Variants in VPS35L observed in about 807,000 individuals in gnomAD.
The protein encoded by VPS35L is VPS35 endosomal protein sorting factor like, also known as VPS35 endosomal protein-sorting factor-like.
Under a neutral mutation model 133.0 loss-of-function variants are expected in VPS35L, and 83 were observed. The ratio of observed to expected loss-of-function variants is 0.62; its 90% CI spans 0.52 to 0.75. The LOEUF (loss-of-function observed/expected upper bound fraction) is 0.75. Ranked by LOEUF, VPS35L falls within the 30% of genes least tolerant of loss-of-function variation. The probability of loss-of-function intolerance (pLI) is 0.00; values close to 1 mark genes in which losing one functional copy is unlikely to be tolerated. For missense variants in VPS35L, 1,083 were observed against 1,206.8 expected (o/e 0.90, Z 1.52); for synonymous variants, 423 against 449.9 (o/e 0.94, Z 0.76).
At position 19,691,361 on chromosome 16, in the gene VPS35L, A is replaced by C. The variant is rs763746697; in HGVS notation, c.2536A>C (p.Asn846His). ...TCTTGTTTGTTCAACAGTGGACTCC[A>C]ACGACAGCCTCTACGGGGGAGACTC... The part of the protein sequence containing the change: ...YLYHIDKVDS[N>H]DSLYGGDSKF... Residue 846 changes from asparagine (N) to histidine (H), a missense_variant, in exon 29 of 31, where the codon AAC becomes CAC. Physicochemically the swap from Asn to His is moderately conservative, Grantham distance 68. Coordinates refer to ENST00000417362, the MANE Select transcript of VPS35L (RefSeq NM_020314.7). 5 of 1,613,316 alleles carry C rather than the reference A, an allele frequency of 3.1e-6. No individual in the cohort carries two copies. Among genetic ancestry groups the C allele is most frequent in the Non-Finnish European group, 3.4e-6 (4 of 1,179,478 alleles).
intron 7 of VPS35L, chr16:19,581,937 A>G (rs956605424): frequency 1.3e-5 from 5 of 388,874 alleles, no homozygotes; most frequent in Non-Finnish European, 2.3e-5. Flanking sequence ...TGTGTTGTGC[A>G]GTACATTAAC....
chr16:19,581,455 ATTC>A (rs1156810387), intron 6 of VPS35L, 67 bp from the exon 7 acceptor site: 1 of 1,415,532 alleles, frequency 7.1e-7, no homozygotes, highest in Non-Finnish European at 9.3e-7. Context: ...AATACCTAGT[ATTC>A]TTTATAAGGG....
chr16:19,576,874 T>G (rs1971557189), intron 5 of VPS35L, among the ~76,000 whole-genome samples: 2 of 151,890 alleles, frequency 1.3e-5, no homozygotes, highest in South Asian at 4.2e-4. Context: ...GCCCAGCTAA[T>G]TTTTGTATTT....
chr16:19,573,296 TTTTG>T (rs1015725107), intron 4 of VPS35L, 55 bp downstream of exon 4: 129 of 1,555,330 alleles, frequency 8.3e-5, no homozygotes, highest in Non-Finnish European at 2.9e-5. Context: ...AGTAATTTCT[TTTTG>T]TTATGTTGCT....
intron 21 of VPS35L, among the ~76,000 whole-genome samples, chr16:19,640,579 A>G (rs1228645130): frequency 6.6e-6 from 1 of 152,242 alleles, no homozygotes; most frequent in East Asian, 1.9e-4. Context: ...GTGTTTAGTT[A>G]TGTAGCTGAC....
At chr16:19,604,932 T>C (rs754413433) in intron 9 of VPS35L, among the ~76,000 whole-genome samples, 5 of 152,226 alleles carry the variant, frequency 3.3e-5, no homozygotes. Context: ...GACCATCGAC[T>C]CTGAGAAGTC....
chr16:19,674,184 C>CTTTCTTTCTTTTTT (rs764022611), intron 27 of VPS35L, among the ~76,000 whole-genome samples: 1 of 70,906 alleles, frequency 1.4e-5, no homozygotes, highest in African/African-American at 6.3e-5. Flanking sequence ...TTTTCTTTTT[C>CTTTCTTTCTTTTTT]TTTTTTTTTT....
chr16:19,567,695 T>C (rs893788075), intron 2 of VPS35L, among the ~76,000 whole-genome samples: 1 of 152,054 alleles, frequency 6.6e-6, no homozygotes, highest in South Asian at 2.1e-4. Context: ...CCTGGCCCAG[T>C]ATGGTAGCTC....
chr16:19,566,751 C>T (rs1252364344), intron 2 of VPS35L, among the ~76,000 whole-genome samples: 2 of 151,672 alleles, frequency 1.3e-5, no homozygotes, highest in African/African-American at 2.4e-5. Context: ...TTGGCCCCCC[C>T]CTTTTTTTTC....
chr16:19,652,119 A>T (rs752721901), intron 26 of VPS35L, 29 bp downstream of exon 26: 1 of 1,455,128 alleles, frequency 6.9e-7, no homozygotes, highest in Admixed American at 1.9e-5. Flanking sequence ...CATCTCGGGC[A>T]CTCCCTTGCT....
chr16:19,585,978 G>A (rs1971851564), intron 7 of VPS35L, among the ~76,000 whole-genome samples: 1 of 151,664 alleles, frequency 6.6e-6, no homozygotes, highest in Admixed American at 6.6e-5. Context: ...GCTCAATATA[G>A]CCTTGACCTC....
chr16:19,623,631 G>T (rs1973153535), intron 14 of VPS35L, among the ~76,000 whole-genome samples: 2 of 151,934 alleles, frequency 1.3e-5, no homozygotes, highest in Non-Finnish European at 2.9e-5. Flanking sequence ...ACTTATTCAG[G>T]CAACATGACA....
intron 5 of VPS35L, among the ~76,000 whole-genome samples, chr16:19,575,573 A>C (rs1277002351): frequency 6.6e-6 from 1 of 151,278 alleles, no homozygotes; most frequent in Non-Finnish European, 1.5e-5. Context: ...AAAAAAAAAA[A>C]AAAATACAGC....
intron 7 of VPS35L, 83 bp downstream of exon 7, chr16:19,581,736 C>T (rs1314852192): frequency 6.7e-7 from 1 of 1,492,998 alleles, no homozygotes; most frequent in East Asian, 2.3e-5. Context: ...CAGGGGCCTA[C>T]CTGCAGGGTC....
intron 28 of VPS35L, among the ~76,000 whole-genome samples, chr16:19,684,919 C>T (rs544640899): frequency 1.3e-5 from 2 of 152,110 alleles, no homozygotes; most frequent in African/African-American, 4.8e-5. Context: ...ATTAGCCAGG[C>T]TGTTGGCAAG....
At chr16:19,677,127 G>A (rs1301403875) in intron 27 of VPS35L, among the ~76,000 whole-genome samples, 1 of 151,068 alleles carries the variant, frequency 6.6e-6, no homozygotes, top group Non-Finnish European at 1.5e-5. Flanking sequence ...ATGCAGCGGT[G>A]TGATCTCGGT....
chr16:19,651,966 C>G lies in VPS35L; in HGVS notation c.2107-10C>G, dbSNP rs1208914052. 3.8e-6 allele frequency: 6 copies of G among 1,573,076 alleles called. No homozygotes were observed. Among genetic ancestry groups the G allele is most frequent in the Non-Finnish European group, 5.2e-6 (6 of 1,143,862 alleles). On this transcript the variant is annotated splice_polypyrimidine_tract_variant and intron_variant, in intron 25 of 30. Transcript: ENST00000417362. ...CACTGCTAGCGTTAATGTTTCTTCC[C>G]TTCTCCTAGGCCTGTGTTGCCTACT...
rs776359572 is a variant in VPS35L, at chr16:19,691,430, G to T, written c.2605G>T (p.Ala869Ser). The T allele has an allele frequency of 6.2e-7, 1 of 1,614,006 alleles. No individual in the cohort carries two copies. The highest frequency in any genetic ancestry group is 1.7e-5 in the Admixed American group (1 of 60,008). ...CAACAAGCTGTGTGAGACGGTGATG[G>T]CTCAGATCCTAGAGCATCTGAAAAC... Reference protein sequence around the residue: ...ENNKLCETVMAQILEHLKTLA... With the variant: ...ENNKLCETVMSQILEHLKTLA... The change falls in exon 29 of 31, where the codon GCT (alanine) becomes TCT (serine). Residue 869 changes from alanine to serine, a missense_variant. By Grantham distance (99) the Ala-to-Ser change is moderately conservative. Transcript: ENST00000417362.
chr16:19,614,559 C>T (rs914480502), intron 12 of VPS35L, among the ~76,000 whole-genome samples: 2 of 152,182 alleles, frequency 1.3e-5, no homozygotes, highest in Non-Finnish European at 2.9e-5. Flanking sequence ...TACAGGCGTG[C>T]GCCACCACAC....
Sources: gnomAD v4.1 joint callset for allele counts (sites outside exome capture counted in the v4.1 genomes callset) on GRCh38, gnomAD v4.1.1 for gene constraint, MANE v1.5 for transcripts, NCBI Gene and HGNC (gene_info 2026-07-23, HGNC 2026-07-21) for gene names.